TCF4: variants seen among roughly 807,000 people sequenced by gnomAD.
The protein encoded by TCF4 is SL3-3 enhancer factor 2.
Under a neutral mutation model 82.1 loss-of-function variants are expected in TCF4, and 3 were observed. The ratio of observed to expected loss-of-function variants is 0.04; its 90% CI spans 0.02 to 0.09. TCF4 has a LOEUF of 0.09. Among genes scored for constraint, TCF4 ranks in the 10% least tolerant of loss-of-function variants. The pLI is 1.00. For synonymous variants in TCF4, 276 were observed against 309.6 expected, an observed-to-expected ratio of 0.89 and a Z score of 1.14; for missense variants, 518 against 852.7, an observed-to-expected ratio of 0.61 and a Z score of 4.89.
intron 9 of TCF4, 103 bp from the exon 10 acceptor site, chr18:55,275,855 C>T (rs761057026): frequency 3.4e-5 from 50 of 1,458,404 alleles, no homozygotes; most frequent in Non-Finnish European, 4.8e-5. Context: ...TTGTGTTATT[C>T]ATCTTTGTGT....
At chr18:55,386,929 G>A (rs780691124) in intron 6 of TCF4, among the ~76,000 whole-genome samples, 10 of 152,212 alleles carry the variant, frequency 6.6e-5, no homozygotes, top group Non-Finnish European at 1.5e-4. Flanking sequence ...GGAGGCACTG[G>A]TTTGCCAATG....
Position 55,596,968 on chromosome 18 carries a change from C to T in TCF4, c.287-9832G>A, listed in dbSNP as rs886867458. On this transcript the variant is annotated intron_variant, in intron 2 of 20. Coordinates refer to the TCF4 transcript ENST00000398339. ...ATGGGAGGTGATTGAATCATGGGGGCGGACTCCCCTTGCTGTTCTCATAAT... is the reference window on the plus strand; with the variant it reads ...ATGGGAGGTGATTGAATCATGGGGGTGGACTCCCCTTGCTGTTCTCATAAT... 3.9e-5 allele frequency among the ~76,000 whole-genome samples: 6 copies of T among 152,188 alleles called. No individual in the cohort carries two copies. The South Asian group carries it at 6.2e-4, about 16-fold the overall frequency.
intron 15 of TCF4, among the ~76,000 whole-genome samples, chr18:55,235,427 T>C (rs2049080545): frequency 6.6e-6 from 1 of 152,182 alleles, no homozygotes; most frequent in Admixed American, 6.5e-5. Flanking sequence ...TGGACATTTT[T>C]CCATTTTTTT....
intron 5 of TCF4, among the ~76,000 whole-genome samples, chr18:55,425,562 G>A (rs2094944566): frequency 6.7e-6 from 1 of 150,322 alleles, no homozygotes; most frequent in Non-Finnish European, 1.5e-5. Context: ...TAGCTATGTA[G>A]GAAGGGATCA....
chr18:55,363,666 C>T (rs1365105697), intron 6 of TCF4, among the ~76,000 whole-genome samples: 4 of 152,016 alleles, frequency 2.6e-5, no homozygotes, highest in Non-Finnish European at 5.9e-5. Context: ...ATTAACCAGG[C>T]GTGGTAGTGC....
At chr18:55,635,357 A>C (rs2097735284) in intron 1 of TCF4, among the ~76,000 whole-genome samples, 1 of 152,022 alleles carries the variant, frequency 6.6e-6, no homozygotes, top group African/African-American at 2.4e-5. Flanking sequence ...AAAAATACAG[A>C]AGTTAGCCGG....
intron 3 of TCF4, among the ~76,000 whole-genome samples, chr18:55,580,735 C>T (rs2097567487): frequency 7.1e-6 from 1 of 140,912 alleles, no homozygotes; most frequent in South Asian, 2.2e-4. Context: ...CAAAAATGAG[C>T]TGTCTGATGT....
At chr18:55,230,305 T>C (rs1033078435) in intron 17 of TCF4, 3 of 152,240 alleles carry the variant, frequency 2.0e-5, no homozygotes, top group Admixed American at 6.5e-5. Flanking sequence ...AATTAGAAAC[T>C]TTTGAATGGA....
chr18:55,505,849 T>C (rs2096753501), intron 3 of TCF4, among the ~76,000 whole-genome samples: 1 of 149,544 alleles, frequency 6.7e-6, no homozygotes, highest in South Asian at 2.1e-4. Flanking sequence ...AACTATGACA[T>C]GGAGAACCAA....
intron 3 of TCF4, among the ~76,000 whole-genome samples, chr18:55,555,055 T>C (rs1238336761): frequency 6.6e-6 from 1 of 152,212 alleles, no homozygotes; most frequent in East Asian, 1.9e-4. Context: ...TATGTTTAAA[T>C]AATTCACCAG....
intron 5 of TCF4, among the ~76,000 whole-genome samples, chr18:55,416,727 T>C (rs2146836696): frequency 6.6e-6 from 1 of 152,368 alleles, no homozygotes; most frequent in Admixed American, 6.5e-5. Context: ...GATGTTTCAT[T>C]ATTCCTAAGC....
chr18:55,274,994 G>A (rs533404091), intron 10 of TCF4, among the ~76,000 whole-genome samples: 1 of 152,274 alleles, frequency 6.6e-6, no homozygotes, highest in Admixed American at 6.5e-5. Context: ...GAGCCCACCA[G>A]TTTTCACCTG....
At chr18:55,387,356 G>A (rs1014425505) in intron 6 of TCF4, among the ~76,000 whole-genome samples, 7 of 152,210 alleles carry the variant, frequency 4.6e-5, no homozygotes, top group African/African-American at 1.2e-4. Context: ...AGATAGTCAA[G>A]GCTCTCTCTA....
chr18:55,304,660 T>G (rs1343703761), intron 8 of TCF4, among the ~76,000 whole-genome samples: 2 of 152,172 alleles, frequency 1.3e-5, no homozygotes, highest in East Asian at 1.9e-4. Context: ...GGTAGTTTTT[T>G]GGGGCACATT....
At chr18:55,305,656 G>A (rs898871732) in intron 8 of TCF4, among the ~76,000 whole-genome samples, 4 of 152,098 alleles carry the variant, frequency 2.6e-5, no homozygotes, top group African/African-American at 9.7e-5. Context: ...TAAATATTAA[G>A]ACATGTAACT....
At chr18:55,396,550 C>CT (rs2093503454) in intron 6 of TCF4, among the ~76,000 whole-genome samples, 1 of 152,086 alleles carries the variant, frequency 6.6e-6, no homozygotes, top group South Asian at 2.1e-4. Flanking sequence ...GATGATCAAC[C>CT]TTGTGAGATG....
chr18:55,560,119 G>A (rs1300640088), intron 3 of TCF4, among the ~76,000 whole-genome samples: 1 of 152,174 alleles, frequency 6.6e-6, no homozygotes. Context: ...TAGAAAATAT[G>A]TAATGCAACC....
chr18:55,379,599 G>C (rs1292646889), intron 6 of TCF4, among the ~76,000 whole-genome samples: 2 of 152,152 alleles, frequency 1.3e-5, no homozygotes, highest in South Asian at 2.1e-4. Flanking sequence ...CATTCCCCAG[G>C]AACAACGAAC....
Position 55,633,281 on chromosome 18 carries a change from G to A in TCF4, c.196-1893C>T, listed in dbSNP as rs2097733191. Among the ~76,000 whole-genome samples, 1 of 152,148 alleles carries A rather than the reference G, an allele frequency of 6.6e-6. No individual in the cohort carries two copies. Among genetic ancestry groups the A allele is most frequent in the Non-Finnish European group, 1.5e-5 (1 of 68,022 alleles). ...TCAGCTTCTAAGGTGGCTCCCACAT[G>A]CCTGGCAAGTTGGTGCTGGCTGTTG... is the stretch of plus-strand genomic sequence containing the variant. On this transcript the variant is annotated intron_variant, in intron 1 of 20. Transcript: ENST00000398339. The surrounding 1 kb of genome is among the most constrained non-coding windows in gnomAD (Gnocchi z 4.0).
Sources: allele counts gnomAD v4.1 joint callset (sites outside exome capture counted in the v4.1 genomes callset), GRCh38; gene constraint gnomAD v4.1.1; non-coding constraint Gnocchi (gnomAD v3.1); transcripts MANE v1.5; gene names NCBI Gene and HGNC (gene_info 2026-07-23, HGNC 2026-07-21).